Variants in FGD4 observed in about 807,000 individuals in gnomAD.
The protein encoded by FGD4 is FYVE, RhoGEF and PH domain-containing protein 4.
FGD4 carries 42 observed loss-of-function variants against 102.0 expected under a neutral mutation model. The ratio of observed to expected loss-of-function variants is 0.41; its 90% CI spans 0.32 to 0.53. The LOEUF is 0.53. Among genes scored for constraint, FGD4 ranks in the 20% least tolerant of loss-of-function variants. FGD4 has a pLI of 0.21. For missense variants in FGD4, 902 were observed against 1,078.2 expected, an observed-to-expected ratio of 0.84 and a Z score of 2.29; for synonymous variants, 380 against 375.7, an observed-to-expected ratio of 1.01 and a Z score of -0.13.
rs546569183 is a variant in FGD4, at chr12:32,639,066, G to A, written c.2454+271G>A. 4.1e-6 allele frequency: 3 copies of A among 736,472 alleles called. 1 individual carries two copies. The South Asian group carries it at 1.1e-4, about 27-fold the overall frequency. The allele number at this position is 736,472 out of a possible 1,614,324, so 45.6% of individuals were successfully genotyped here. ...GATGAGTTGAATTAGGAATGAGCAT[G>A]AGGAGAAGGGGAAGCAAACGGGAGA... On this transcript the variant is annotated intron_variant, in intron 16 of 16. Coordinates refer to ENST00000534526, the MANE Select transcript of FGD4 (RefSeq NM_001370298.3).
intron 1 of FGD4, among the ~76,000 whole-genome samples, chr12:32,537,699 T>C (rs1942415752): frequency 6.6e-6 from 1 of 152,198 alleles, no homozygotes; most frequent in African/African-American, 2.4e-5. Flanking sequence ...CTTAGGATTT[T>C]TGTAGTTTTA....
intron 1 of FGD4, among the ~76,000 whole-genome samples, chr12:32,466,596 G>A (rs571585003): frequency 2.6e-5 from 4 of 152,014 alleles, no homozygotes; most frequent in South Asian, 2.1e-4. Flanking sequence ...GGCCGGGCGC[G>A]GTGGCTCACA....
In FGD4 at chr12:32,645,326, T is replaced by C. The variant is rs1347571244; in HGVS notation, c.*4793T>C. 6.6e-6 allele frequency: 1 copy of C among 152,098 alleles called. No individual in the cohort carries two copies. The allele number at this position is 152,098 out of a possible 1,614,324, so 9.4% of individuals were successfully genotyped here. On this transcript the variant is annotated 3_prime_UTR_variant, in exon 17 of 17. Transcript: ENST00000534526. ...TTTTTAACCAAACTAGCATTTCATTTTGTGAGTGACAATTGACATTTTAAA... is the reference window on the plus strand; with the variant it reads ...TTTTTAACCAAACTAGCATTTCATTCTGTGAGTGACAATTGACATTTTAAA...
rs543150618 is a variant in FGD4 at position 32,573,033 on chromosome 12, T to C, written c.320-3233T>C. 1.1e-4 allele frequency among the ~76,000 whole-genome samples: 16 copies of C among 152,380 alleles called. No individual in the cohort carries two copies. The East Asian group carries it at 2.7e-3, about 26-fold the overall frequency. ...CAATTCCTGGGTTGCTTCTACCATC[T>C]GTTGTCATTTCCTCTGGGTACAGAC... On this transcript the variant is annotated intron_variant, in intron 2 of 16. Transcript: ENST00000534526.
intron 4 of FGD4, among the ~76,000 whole-genome samples, chr12:32,594,432 T>G (rs752529071): frequency 6.6e-6 from 1 of 152,118 alleles, no homozygotes; most frequent in Non-Finnish European, 1.5e-5. Flanking sequence ...CAAGATCAGG[T>G]CTCCCACTGA....
At chr12:32,608,801 T>G (rs1254727319) in intron 8 of FGD4, among the ~76,000 whole-genome samples, 1 of 152,194 alleles carries the variant, frequency 6.6e-6, no homozygotes, top group African/African-American at 2.4e-5. Flanking sequence ...ATTGCTACTT[T>G]CCCTTGTAAT....
At position 32,603,476 on chromosome 12, in the gene FGD4, C is replaced by T. The variant is rs529664917; in HGVS notation, c.1404+1159C>T. On this transcript the variant is annotated intron_variant, in intron 7 of 16. Transcript: ENST00000534526. ...GATCTAGGCTCACTGCAAGCTCCGC[C>T]TCCTGGGTTTACTTAGCCATTCTCC... is the stretch of plus-strand genomic sequence containing the variant. Among the ~76,000 whole-genome samples the T allele has an allele frequency of 1.2e-4, 19 of 152,034 alleles. No individual in the cohort carries two copies. The South Asian group carries it at 4.0e-3, about 32-fold the overall frequency.
intron 4 of FGD4, among the ~76,000 whole-genome samples, chr12:32,588,326 C>T (rs150666127): frequency 2.1e-3 from 318 of 152,288 alleles, no homozygotes; most frequent in African/African-American, 7.3e-3. Flanking sequence ...AAAGAAGAAA[C>T]TTACAGTTGA....
In FGD4 at chr12:32,642,709, G is replaced by T. The variant is rs1951217121; in HGVS notation, c.*2176G>T. 6.6e-6 allele frequency: 1 copy of T among 152,000 alleles called. No individual in the cohort carries two copies. The highest frequency in any genetic ancestry group is 6.6e-5 in the Admixed American group (1 of 15,228). 9.4% of individuals were successfully genotyped at this position (152,000 alleles called of 1,614,324 possible). A position where few individuals can be genotyped will look rare whatever the true frequency, so the allele number is the denominator to read the frequency against. On this transcript the variant is annotated 3_prime_UTR_variant, in exon 17 of 17. Coordinates refer to ENST00000534526, the MANE Select transcript of FGD4 (RefSeq NM_001370298.3). ...AATGAGAAGCATTAATACTAGAAGA[G>T]AATTTCTGGTTATCCGGTCACCATA...
chr12:32,573,418 G>T (rs1257304870), intron 2 of FGD4, among the ~76,000 whole-genome samples: 1 of 152,058 alleles, frequency 6.6e-6, no homozygotes, highest in Non-Finnish European at 1.5e-5. Flanking sequence ...TTTTTGCGTC[G>T]TAAGTACATA....
intron 5 of FGD4, chr12:32,600,588 C>CT (rs1245510421): frequency 0.021 from 5,503 of 257,144 alleles, 93 homozygotes; most frequent in Admixed American, 0.029. Context: ...TTCTTTCTTT[C>CT]TTTCTTTTTT....
At chr12:32,470,539 T>C (rs373058585) in intron 1 of FGD4, among the ~76,000 whole-genome samples, 1 of 150,548 alleles carries the variant, frequency 6.6e-6, no homozygotes, top group East Asian at 2.0e-4. Flanking sequence ...TCTTGGCTCA[T>C]TGCTCCTGGG....
At chr12:32,407,102 C>T (rs916212817) in intron 1 of FGD4, among the ~76,000 whole-genome samples, 4 of 148,936 alleles carry the variant, frequency 2.7e-5, no homozygotes, top group Middle Eastern at 3.6e-3. Flanking sequence ...TGAGCCACCA[C>T]GCCCGGCCAA....
intron 1 of FGD4, among the ~76,000 whole-genome samples, chr12:32,528,356 C>T (rs1195837553): frequency 6.6e-6 from 1 of 152,184 alleles, no homozygotes; most frequent in East Asian, 1.9e-4. Flanking sequence ...TATAAAATGG[C>T]ATAGTGTTTG....
intron 6 of FGD4, among the ~76,000 whole-genome samples, 197 bp from the exon 7 acceptor site, chr12:32,601,964 C>T (rs1168422498): frequency 6.6e-6 from 1 of 151,850 alleles, no homozygotes; most frequent in Non-Finnish European, 1.5e-5. Context: ...AAAAGCTAGC[C>T]ACTAGCCAGG....
intron 1 of FGD4, among the ~76,000 whole-genome samples, chr12:32,475,951 C>A (rs1188886130): frequency 6.6e-6 from 1 of 152,164 alleles, no homozygotes; most frequent in Non-Finnish European, 1.5e-5. Context: ...CCAAACAGTT[C>A]CTTTTTAAAT....
intron 1 of FGD4, among the ~76,000 whole-genome samples, chr12:32,525,682 C>T (rs1941074235): frequency 6.6e-6 from 1 of 152,184 alleles, no homozygotes; most frequent in African/African-American, 2.4e-5. Flanking sequence ...GGGAGAGGCA[C>T]GAGCGGGAAC....
Position 32,582,207 on chromosome 12 carries a change from A to G in FGD4, c.751A>G (p.Thr251Ala). 12 of 1,614,248 alleles carry G rather than the reference A, an allele frequency of 7.4e-6. No homozygotes were observed. The highest frequency in any genetic ancestry group is 1.0e-5 in the Non-Finnish European group (12 of 1,180,050). The change falls in exon 4 of 17, where the codon ACT becomes GCT. Residue 251 changes from threonine to alanine, a missense_variant. Around this residue, in one of 2 missense-constraint regions of FGD4, gnomAD observed 443 missense variants for 459.2 expected, o/e 0.96. Transcript: ENST00000534526. Reference protein sequence around the residue: ...EEKAATLSSDTSIQASEPLLD... With the variant: ...EEKAATLSSDASIQASEPLLD... ...GAAAGCTGCCACTCTTAGCTCAGAT[A>G]CTTCTATTCAAGCTTCTGAACCCTT... is the stretch of plus-strand genomic sequence containing the variant.
intron 1 of FGD4, among the ~76,000 whole-genome samples, chr12:32,526,529 G>A (rs143788560): frequency 1.6e-4 from 25 of 152,216 alleles, no homozygotes; most frequent in East Asian, 1.5e-3. Flanking sequence ...ACCAATCAGC[G>A]CCCTGACGAA....
Sources: gnomAD v4.1 joint callset for allele counts (sites outside exome capture counted in the v4.1 genomes callset) on GRCh38, gnomAD v4.1.1 for gene constraint, gnomAD v4.1.1 regional missense constraint, MANE v1.5 for transcripts, NCBI Gene and HGNC (gene_info 2026-07-23, HGNC 2026-07-21) for gene names.